ITGA8: variants seen among roughly 807,000 people sequenced by gnomAD.
The protein encoded by ITGA8 is integrin subunit alpha 8, also known as integrin alpha-8.
ITGA8 carries 91 observed loss-of-function variants against 142.3 expected under a neutral mutation model. The ratio of observed to expected loss-of-function variants is 0.64; its 90% confidence interval spans 0.54 to 0.76. The LOEUF (loss-of-function observed/expected upper bound fraction) is 0.76, where lower values mean the gene tolerates loss of function less well. Ranked by LOEUF, ITGA8 falls within the 30% of genes least tolerant of loss-of-function variation. The pLI is 0.00. For missense variants in ITGA8, 1,406 were observed against 1,327.7 expected (o/e 1.06, Z -0.92); for synonymous variants, 505 against 485.2 (o/e 1.04, Z -0.54).
intron 28 of ITGA8, among the ~76,000 whole-genome samples, chr10:15,527,683 T>A (rs1196596199): frequency 6.6e-6 from 1 of 152,092 alleles, no homozygotes; most frequent in African/African-American, 2.4e-5. Context: ...GTAAAGCTAA[T>A]ACGGGCCTCA....
rs1834652947 is a variant in ITGA8, at chr10:15,677,527, CT to C, written c.676+64del. 3 of 1,314,720 alleles carry C rather than the reference CT, an allele frequency of 2.3e-6. No individual in the cohort carries two copies. In the African/African-American group the frequency reaches 4.4e-5, roughly 19 times the overall value. 81.4% of individuals were successfully genotyped at this position (1,314,720 alleles called of 1,614,324 possible). A position where few individuals can be genotyped will look rare whatever the true frequency, so the allele number is the denominator to read the frequency against. On this transcript the variant is annotated intron_variant, in intron 6 of 29. Coordinates refer to ENST00000378076, the MANE Select transcript of ITGA8 (RefSeq NM_003638.3). ...AATAGAAAGTAAACATTTAACACTA[CT>C]TCTGGGTCCATCCTTCTGTTAGTAA...
In ITGA8 at chr10:15,648,553, CATA is replaced by C. The variant is rs1834029155; in HGVS notation, c.1002-1505_1002-1503del. ...AATTAAGATATATCAATAACAATAA[CATA>C]AAATCAATAATATGTATAAAAATAT... On this transcript the variant is annotated intron_variant, in intron 11 of 29. Transcript: ENST00000378076. Among the ~76,000 whole-genome samples the C allele has an allele frequency of 4.0e-5, 6 of 151,046 alleles. No individual in the cohort carries two copies. The South Asian group carries it at 1.3e-3, about 32-fold the overall frequency.
intron 13 of ITGA8, among the ~76,000 whole-genome samples, chr10:15,626,888 T>C (rs1182823471): frequency 6.6e-6 from 1 of 152,156 alleles, no homozygotes; most frequent in Non-Finnish European, 1.5e-5. Flanking sequence ...TGGTAGGAAA[T>C]GTATCCCTGT....
chr10:15,697,200 T>C (rs1000928966), intron 2 of ITGA8, among the ~76,000 whole-genome samples: 7 of 152,204 alleles, frequency 4.6e-5, no homozygotes, highest in African/African-American at 1.7e-4. Flanking sequence ...TATACACATA[T>C]GATTTGTATG....
intron 27 of ITGA8, 90 bp from the exon 28 acceptor site, chr10:15,531,241 A>C: frequency 3.2e-6 from 2 of 631,672 alleles, no homozygotes; most frequent in Non-Finnish European, 4.9e-6. Flanking sequence ...GGTGTTTTGC[A>C]TTTCAAGGCA....
Position 15,569,722 on chromosome 10 carries a change from G to GT in ITGA8, c.2637+2488dup, listed in dbSNP as rs1211272887. On this transcript the variant is annotated intron_variant, in intron 25 of 29. Transcript: ENST00000378076. ...CTGTGCCTGGCTATGGCACAGTTTT[G>GT]TTTTTTTAACAGCAATTCATTTTCA... is the stretch of plus-strand genomic sequence containing the variant. Among the ~76,000 whole-genome samples, 8 of 152,048 alleles carry GT rather than the reference G, an allele frequency of 5.3e-5. No individual in the cohort carries two copies. In the East Asian group the frequency reaches 1.2e-3, roughly 22 times the overall value.
intron 8 of ITGA8, among the ~76,000 whole-genome samples, chr10:15,669,733 A>G (rs971467882): frequency 1.3e-4 from 20 of 152,258 alleles, no homozygotes; most frequent in African/African-American, 4.6e-4. Context: ...CTTCTAACAG[A>G]CAGGACCCTC....
intron 6 of ITGA8, among the ~76,000 whole-genome samples, chr10:15,673,015 G>T (rs1298493857): frequency 2.6e-5 from 4 of 152,200 alleles, no homozygotes; most frequent in Admixed American, 2.6e-4. Flanking sequence ...AATGATAAAA[G>T]TATCCAAGAG....
At chr10:15,533,428 C>T (rs565109601) in intron 27 of ITGA8, among the ~76,000 whole-genome samples, 2 of 152,212 alleles carry the variant, frequency 1.3e-5, no homozygotes, top group African/African-American at 2.4e-5. Context: ...TTATACAATT[C>T]GGAAACTTTT....
At chr10:15,639,245 C>G (rs544317069) in intron 13 of ITGA8, among the ~76,000 whole-genome samples, 6 of 152,198 alleles carry the variant, frequency 3.9e-5, no homozygotes, top group African/African-American at 1.4e-4. Flanking sequence ...GTGGGTTTGA[C>G]ACCCTTGTAA....
chr10:15,608,078 G>C (rs1042030033), intron 16 of ITGA8, among the ~76,000 whole-genome samples, 157 bp downstream of exon 16: 1 of 152,082 alleles, frequency 6.6e-6, no homozygotes, highest in Non-Finnish European at 1.5e-5. Context: ...GTATTACCAA[G>C]TATTGAAGTA....
chr10:15,625,475 G>A (rs1833565158), intron 13 of ITGA8, among the ~76,000 whole-genome samples: 1 of 152,066 alleles, frequency 6.6e-6, no homozygotes, highest in African/African-American at 2.4e-5. Flanking sequence ...AGCCCTGGAG[G>A]AAGGTTTATT....
At chr10:15,608,421 ACACC>A (rs1353921751) in intron 15 of ITGA8, 131 bp from the exon 16 acceptor site, 23 of 535,732 alleles carry the variant, frequency 4.3e-5, no homozygotes, top group Non-Finnish European at 5.9e-5. Flanking sequence ...ACACACACAC[ACACC>A]CACACACACA....
chr10:15,635,402 A>G (rs1240260592), intron 13 of ITGA8, among the ~76,000 whole-genome samples: 1 of 152,208 alleles, frequency 6.6e-6, no homozygotes, highest in Admixed American at 6.5e-5. Flanking sequence ...TGATAGTATC[A>G]GAGAAGTGTA....
At chr10:15,618,512 C>A (rs1334058159) in intron 13 of ITGA8, among the ~76,000 whole-genome samples, 4 of 152,136 alleles carry the variant, frequency 2.6e-5, no homozygotes, top group African/African-American at 7.2e-5. Context: ...CTTGATCAGA[C>A]TGAAGGATGC....
intron 7 of ITGA8, 27 bp from the exon 8 acceptor site, chr10:15,671,674 A>G (rs372998771): frequency 6.1e-5 from 96 of 1,563,412 alleles, no homozygotes; most frequent in Non-Finnish European, 8.1e-5. Flanking sequence ...GAAACAAACT[A>G]ATCACACTTA....
At chr10:15,642,377 C>G (rs981091033) in intron 13 of ITGA8, among the ~76,000 whole-genome samples, 1 of 152,090 alleles carries the variant, frequency 6.6e-6, no homozygotes, top group African/African-American at 2.4e-5. Flanking sequence ...AAGGCACAGC[C>G]TTTCTGTCAA....
chr10:15,567,320 T>A (rs77617295), intron 25 of ITGA8, among the ~76,000 whole-genome samples: 2 of 152,082 alleles, frequency 1.3e-5, no homozygotes, highest in Non-Finnish European at 1.5e-5. Context: ...ATAAGAAAAT[T>A]GATAGTTTGA....
At chr10:15,694,622 TTTA>T (rs1835013036) in intron 2 of ITGA8, among the ~76,000 whole-genome samples, 1 of 135,820 alleles carries the variant, frequency 7.4e-6, no homozygotes, top group African/African-American at 2.7e-5. Context: ...ATATATTTTA[TTTA>T]TTAATATATT....
Sources: allele counts gnomAD v4.1 joint callset (sites outside exome capture counted in the v4.1 genomes callset), GRCh38; gene constraint gnomAD v4.1.1; transcripts MANE v1.5; gene names NCBI Gene and HGNC (gene_info 2026-07-23, HGNC 2026-07-21).